The following DENND4A variants were observed in gnomAD, a reference collection of about 807,000 sequenced individuals.
The protein encoded by DENND4A is DENN domain containing 4A, also known as C-myc promoter-binding protein.
In DENND4A, 70 loss-of-function variants were observed where a neutral mutation model predicts 199.3. The ratio of observed to expected loss-of-function variants is 0.35; its 90% CI spans 0.29 to 0.43. DENND4A has a LOEUF of 0.43. Ranked by LOEUF, DENND4A falls within the 20% of genes least tolerant of loss-of-function variation. DENND4A has a pLI of 1.00. For missense variants in DENND4A, 1,723 were observed against 2,255.8 expected, an observed-to-expected ratio of 0.76 and a Z score of 4.78; for synonymous variants, 686 against 766.9, an observed-to-expected ratio of 0.89 and a Z score of 1.74.
intron 23 of DENND4A, among the ~76,000 whole-genome samples, chr15:65,681,832 C>T (rs533396850): frequency 1.3e-5 from 2 of 152,226 alleles, no homozygotes; most frequent in East Asian, 1.9e-4. Flanking sequence ...CCTTCCAAAG[C>T]GTTGGGATTA....
chr15:65,717,707 C>A (rs1467325430), intron 13 of DENND4A, 71 bp downstream of exon 13: 2 of 1,308,702 alleles, frequency 1.5e-6, no homozygotes, highest in African/African-American at 1.5e-5. Flanking sequence ...GCTATTAATA[C>A]AGACAGCAAA....
chr15:65,670,143 C>G lies in DENND4A; in HGVS notation c.4510G>C (p.Val1504Leu), dbSNP rs1189988765. The G allele has an allele frequency of 6.3e-7, 1 of 1,586,730 alleles. No homozygotes were observed. Among genetic ancestry groups the G allele is most frequent in the Non-Finnish European group, 8.6e-7 (1 of 1,165,854 alleles). Reference protein sequence around the residue: ...CSRCRTCDCLVHDEEIMAGWT... With the variant: ...CSRCRTCDCLLHDEEIMAGWT... ...CCAGCCATGATTTCCTCATCATGGA[C>G]AAGACAATCACAAGTTCTACACCGA... The change falls in exon 26 of 33, where the codon GTC (valine) becomes CTC (leucine). Residue 1504 changes from valine to leucine, a missense_variant. Transcript: ENST00000443035.
At chr15:65,740,051 T>G (rs2076215408) in intron 5 of DENND4A, among the ~76,000 whole-genome samples, 1 of 151,888 alleles carries the variant, frequency 6.6e-6, no homozygotes, top group Non-Finnish European at 1.5e-5. Flanking sequence ...TGTGGCTGTG[T>G]GTGCCTGTAG....
At chr15:65,778,413 G>T (rs2077340424) in intron 1 of DENND4A, among the ~76,000 whole-genome samples, 1 of 143,156 alleles carries the variant, frequency 7.0e-6, no homozygotes, top group African/African-American at 2.6e-5. Context: ...ACATTTCAGA[G>T]TCCTCAACTA....
chr15:65,749,020 C>T (rs2076490905), intron 4 of DENND4A, among the ~76,000 whole-genome samples: 1 of 151,062 alleles, frequency 6.6e-6, no homozygotes. Context: ...AAAGAAAAAC[C>T]CAATTGTTTC....
intron 1 of DENND4A, chr15:65,771,748 T>G: frequency 6.2e-7 from 1 of 1,612,422 alleles, no homozygotes; most frequent in South Asian, 1.1e-5. Context: ...AAAACCTCTA[T>G]GGAAATTAAA....
At chr15:65,758,924 TAAC>T (rs1321777817) in intron 2 of DENND4A, among the ~76,000 whole-genome samples, 2 of 152,186 alleles carry the variant, frequency 1.3e-5, no homozygotes, top group Non-Finnish European at 2.9e-5. Flanking sequence ...TTTTCCCACT[TAAC>T]AACTAGAAAC....
rs563590791 is a variant in DENND4A, at chr15:65,773,200, T to C, written c.-101-11762A>G. On this transcript the variant is annotated intron_variant, in intron 1 of 32. Coordinates refer to ENST00000443035, the MANE Select transcript of DENND4A (RefSeq NM_001320835.1). ...TGAGTCTGGTTCTCTAGTCTTCTAG[T>C]CATTTCTGTAAGCCAACCAATATGC... Among the ~76,000 whole-genome samples the C allele has an allele frequency of 2.0e-4, 31 of 152,312 alleles. No individual in the cohort carries two copies. In the East Asian group the frequency reaches 5.8e-3, roughly 28 times the overall value.
At chr15:65,702,233 C>A in intron 17 of DENND4A, 72 bp downstream of exon 17, 1 of 1,243,966 alleles carries the variant, frequency 8.0e-7, no homozygotes, top group Non-Finnish European at 1.1e-6. Context: ...TGCATCACTG[C>A]ACTCCAGCCT....
chr15:65,671,669 C>T (rs2076222245), intron 25 of DENND4A, 123 bp downstream of exon 25: 3 of 678,082 alleles, frequency 4.4e-6, no homozygotes, highest in South Asian at 1.9e-5. Context: ...GGATTACAGG[C>T]GTGAGCCACC....
intron 1 of DENND4A, among the ~76,000 whole-genome samples, chr15:65,772,927 C>G (rs1160495229): frequency 7.0e-6 from 1 of 143,564 alleles, no homozygotes; most frequent in Non-Finnish European, 1.5e-5. Context: ...TCACCAGAAC[C>G]TGACCTTGCT....
chr15:65,701,978 T>C, intron 17 of DENND4A, 88 bp from the exon 18 acceptor site: 2 of 1,558,598 alleles, frequency 1.3e-6, no homozygotes, highest in Non-Finnish European at 1.8e-6. Context: ...AAACAATAAT[T>C]GTGGCAGGGC....
chr15:65,705,986 C>G, intron 15 of DENND4A, 105 bp downstream of exon 15: 1 of 1,362,482 alleles, frequency 7.3e-7, no homozygotes. Flanking sequence ...AATTAGGGAT[C>G]TGTAAAGTTT....
At chr15:65,727,878 G>A (rs1432913259) in intron 11 of DENND4A, 1 of 362,716 alleles carries the variant, frequency 2.8e-6, no homozygotes, top group East Asian at 8.7e-5. Context: ...TATAAATTCA[G>A]TGCAAAGAAA....
chr15:65,724,437 A>G (rs1341313698), intron 11 of DENND4A, among the ~76,000 whole-genome samples: 1 of 151,822 alleles, frequency 6.6e-6, no homozygotes, highest in Non-Finnish European at 1.5e-5. Context: ...AAACTTGAAA[A>G]ATGTATAGAA....
intron 6 of DENND4A, 28 bp from the exon 7 acceptor site, chr15:65,737,973 A>ATTTG (rs2076160355): frequency 6.5e-7 from 1 of 1,538,192 alleles, no homozygotes; most frequent in Non-Finnish European, 8.8e-7. Flanking sequence ...TATCCAGTAA[A>ATTTG]TATACTTTGT....
At chr15:65,775,559 C>T (rs761988732) in intron 1 of DENND4A, among the ~76,000 whole-genome samples, 6 of 135,924 alleles carry the variant, frequency 4.4e-5, no homozygotes, top group Non-Finnish European at 6.1e-5. Context: ...GAGAATCACT[C>T]GAACCTGGGA....
chr15:65,721,493 T>A (rs2075643185), intron 12 of DENND4A, among the ~76,000 whole-genome samples: 1 of 147,042 alleles, frequency 6.8e-6, no homozygotes. Context: ...GAAGATCAGA[T>A]AAAGAAATGA....
chr15:65,705,299 A>G (rs750988593), intron 15 of DENND4A, among the ~76,000 whole-genome samples: 16 of 152,224 alleles, frequency 1.1e-4, no homozygotes, highest in African/African-American at 3.9e-4. Flanking sequence ...CCATGATTCA[A>G]TGGGTGATAG....
Sources: gnomAD v4.1 joint callset for allele counts (sites outside exome capture counted in the v4.1 genomes callset) on GRCh38, gnomAD v4.1.1 for gene constraint, MANE v1.5 for transcripts, NCBI Gene and HGNC (gene_info 2026-07-23, HGNC 2026-07-21) for gene names.